The following NAALADL2 variants were observed in gnomAD, a reference collection of about 807,000 sequenced individuals.
NAALADL2 encodes the protein N-acetylated alpha-linked acidic dipeptidase like 2.
NAALADL2 carries 76 observed loss-of-function variants against 87.2 expected under a neutral mutation model. That is an observed-to-expected ratio of 0.87 (90% CI 0.72 to 1.05). NAALADL2 has a LOEUF of 1.05. Ranked by LOEUF, NAALADL2 falls within the 50% of genes least tolerant of loss-of-function variation. The pLI is 0.00. For missense variants in NAALADL2, 1,089 were observed against 945.8 expected (o/e 1.15, Z -1.99); for synonymous variants, 354 against 331.0 (o/e 1.07, Z -0.75).
intron 1 of NAALADL2, among the ~76,000 whole-genome samples, chr3:175,034,721 T>C (rs1325693678): frequency 1.3e-5 from 2 of 152,160 alleles, no homozygotes; most frequent in Non-Finnish European, 2.9e-5. Context: ...TTAATGACTT[T>C]GGGCAAGTTT....
At chr3:175,472,357 T>C (rs1029985294) in intron 9 of NAALADL2, among the ~76,000 whole-genome samples, 5 of 152,192 alleles carry the variant, frequency 3.3e-5, no homozygotes, top group Non-Finnish European at 7.4e-5. Context: ...ATTTAAAAAA[T>C]TTAGCAGAAC....
At chr3:174,560,930 C>G (rs1247980064) in intron 2 of NAALADL2, among the ~76,000 whole-genome samples, 2 of 152,088 alleles carry the variant, frequency 1.3e-5, no homozygotes, top group Non-Finnish European at 2.9e-5. Context: ...CTGTAATAGA[C>G]TAACATAAAG....
At chr3:174,699,595 T>C (rs1169661664) in intron 2 of NAALADL2, among the ~76,000 whole-genome samples, 1 of 152,226 alleles carries the variant, frequency 6.6e-6, no homozygotes, top group Non-Finnish European at 1.5e-5. Flanking sequence ...GATTCAATTC[T>C]TCCTGTTAAT....
rs1311325384 is a variant in NAALADL2 at position 174,508,114 on chromosome 3, G to GTTTTTTTTTTTTTTTT, written c.-183-42453_-183-42438dup. On this transcript the variant is annotated intron_variant, in intron 1 of 3. Coordinates refer to the NAALADL2 transcript ENST00000434257. Reference sequence around the variant, plus strand: ...AATTTTAGCTATTGGATATCTAGTGGTTTTTTTTTTTTTTTTTGAGACGAA... The same window carrying GTTTTTTTTTTTTTTTT: ...AATTTTAGCTATTGGATATCTAGTGGTTTTTTTTTTTTTTTTTTTTTTTTTTTTTTTTTGAGACGAA... Among the ~76,000 whole-genome samples, 145 of 103,864 alleles carry GTTTTTTTTTTTTTTTT rather than the reference G, an allele frequency of 1.4e-3. 9 individuals are homozygous for GTTTTTTTTTTTTTTTT. The highest frequency in any genetic ancestry group is 6.3e-3 in the Middle Eastern group (1 of 160). 68.1% of individuals were successfully genotyped at this position (103,864 alleles called of 152,430 possible). A position where few individuals can be genotyped will look rare whatever the true frequency, so the allele number is the denominator to read the frequency against.
chr3:175,471,245 G>A (rs1422074976), intron 8 of NAALADL2, among the ~76,000 whole-genome samples: 7 of 151,794 alleles, frequency 4.6e-5, no homozygotes, highest in Non-Finnish European at 1.0e-4. Context: ...CAGCACTTTG[G>A]GAGGCTGAGG....
chr3:175,379,498 T>C (rs1317120020), intron 5 of NAALADL2, among the ~76,000 whole-genome samples: 1 of 152,032 alleles, frequency 6.6e-6, no homozygotes, highest in Non-Finnish European at 1.5e-5. Context: ...GTATGGTTTC[T>C]GGTAACAGTT....
intron 6 of NAALADL2, among the ~76,000 whole-genome samples, chr3:175,449,401 T>TTG (rs1721200232): frequency 6.8e-6 from 1 of 147,874 alleles, no homozygotes. Context: ...CTTCTTTTTT[T>TTG]TTTTTTTTTT....
chr3:175,606,929 T>G (rs1723830295), intron 10 of NAALADL2, among the ~76,000 whole-genome samples: 1 of 152,162 alleles, frequency 6.6e-6, no homozygotes, highest in African/African-American at 2.4e-5. Flanking sequence ...ACATAAAATT[T>G]AACAAGCAAT....
intron 1 of NAALADL2, among the ~76,000 whole-genome samples, chr3:174,960,762 A>G (rs1340782271): frequency 6.6e-6 from 1 of 152,080 alleles, no homozygotes; most frequent in Non-Finnish European, 1.5e-5. Flanking sequence ...AGTGCAGGGT[A>G]TTATAAGTAC....
At chr3:174,650,349 T>C (rs2108753460) in intron 2 of NAALADL2, among the ~76,000 whole-genome samples, 1 of 152,264 alleles carries the variant, frequency 6.6e-6, no homozygotes, top group South Asian at 2.1e-4. Context: ...CATATATCCA[T>C]TTCTTTTCTT....
At chr3:174,808,802 ATG>A (rs1214649651) in intron 3 of NAALADL2, among the ~76,000 whole-genome samples, 2 of 151,602 alleles carry the variant, frequency 1.3e-5, no homozygotes, top group African/African-American at 4.8e-5. Context: ...ATTAAAAAAA[ATG>A]TGTGTGTGTG....
intron 1 of NAALADL2, among the ~76,000 whole-genome samples, chr3:175,043,997 C>T (rs943294478): frequency 1.3e-5 from 2 of 151,994 alleles, no homozygotes; most frequent in Admixed American, 1.3e-4. Flanking sequence ...TTAATTCTTC[C>T]AATCTGTGAG....
At chr3:174,920,012 T>A (rs1482463960) in intron 1 of NAALADL2, among the ~76,000 whole-genome samples, 1 of 152,194 alleles carries the variant, frequency 6.6e-6, no homozygotes, top group African/African-American at 2.4e-5. Flanking sequence ...ACAGTGGGCT[T>A]GAAATATTCA....
intron 2 of NAALADL2, among the ~76,000 whole-genome samples, chr3:174,610,594 T>G (rs989112257): frequency 3.3e-5 from 5 of 151,948 alleles, no homozygotes; most frequent in African/African-American, 1.2e-4. Flanking sequence ...ATCAGAGAAA[T>G]GCAAATCAAA....
At chr3:174,990,522 G>A (rs777495757) in intron 1 of NAALADL2, among the ~76,000 whole-genome samples, 2 of 152,062 alleles carry the variant, frequency 1.3e-5, no homozygotes, top group Admixed American at 6.5e-5. Flanking sequence ...TGAAGTGAGG[G>A]ATTGATTTTT....
chr3:175,514,058 G>T (rs1244784280), intron 9 of NAALADL2, among the ~76,000 whole-genome samples: 1 of 152,200 alleles, frequency 6.6e-6, no homozygotes. Flanking sequence ...GGCTTTACAA[G>T]TGACCTCAAG....
chr3:175,454,809 T>A (rs1486696678), intron 6 of NAALADL2, among the ~76,000 whole-genome samples: 12 of 152,072 alleles, frequency 7.9e-5, no homozygotes, highest in Non-Finnish European at 1.5e-4. Context: ...TCTCTTCCTT[T>A]CCATCCATTT....
At chr3:174,564,087 G>T (rs1713949426) in intron 2 of NAALADL2, among the ~76,000 whole-genome samples, 1 of 152,134 alleles carries the variant, frequency 6.6e-6, no homozygotes, top group Non-Finnish European at 1.5e-5. Context: ...ACCAAAGTTA[G>T]GGAGTTGGTA....
At chr3:175,593,583 G>A (rs543787063) in intron 10 of NAALADL2, among the ~76,000 whole-genome samples, 33 of 152,228 alleles carry the variant, frequency 2.2e-4, no homozygotes, top group Admixed American at 2.0e-3. Flanking sequence ...CATTAGGTAG[G>A]ATTGGTTCTT....
Sources: allele counts gnomAD v4.1 joint callset (sites outside exome capture counted in the v4.1 genomes callset), GRCh38; gene constraint gnomAD v4.1.1; transcripts MANE v1.5; gene names NCBI Gene and HGNC (gene_info 2026-07-23, HGNC 2026-07-21).